Variants in CLCN7 observed in about 807,000 individuals in gnomAD.
The protein encoded by CLCN7 is H(+)/Cl(-) exchange transporter 7.
Under a neutral mutation model 102.1 loss-of-function variants are expected in CLCN7, and 60 were observed. The ratio of observed to expected loss-of-function variants is 0.59; its 90% confidence interval spans 0.48 to 0.73. The LOEUF (loss-of-function observed/expected upper bound fraction) is 0.73, where lower values mean the gene tolerates loss of function less well. CLCN7 is among the 30% of genes least tolerant of loss of function. The probability of loss-of-function intolerance (pLI) is 0.00; values close to 1 mark genes in which losing one functional copy is unlikely to be tolerated. For synonymous variants in CLCN7, 560 were observed against 490.5 expected, an observed-to-expected ratio of 1.14 and a Z score of -1.87; for missense variants, 962 against 1,125.7, an observed-to-expected ratio of 0.85 and a Z score of 2.08.
intron 1 of CLCN7, chr16:1,474,079 C>G (rs2039116452): frequency 2.2e-5 from 9 of 414,552 alleles, no homozygotes; most frequent in South Asian, 1.5e-4. Context: ...AGTGAAACTC[C>G]GTCTCAAAAA....
At chr16:1,450,721 G>T in intron 16 of CLCN7, 55 bp from the exon 17 acceptor site, 1 of 1,220,100 alleles carries the variant, frequency 8.2e-7, no homozygotes, top group Non-Finnish European at 1.1e-6. Flanking sequence ...CCGCAGGACT[G>T]CCCTGCCCCG....
At chr16:1,459,896 CAGGGA>C (rs1433699471) in intron 6 of CLCN7, among the ~76,000 whole-genome samples, 1 of 127,936 alleles carries the variant, frequency 7.8e-6, no homozygotes, top group African/African-American at 3.1e-5. Flanking sequence ...GTCGGGGCCT[CAGGGA>C]AGGGGAGAGC....
intron 1 of CLCN7, among the ~76,000 whole-genome samples, chr16:1,470,827 G>T (rs1358016665): frequency 6.6e-6 from 1 of 152,192 alleles, no homozygotes; most frequent in Non-Finnish European, 1.5e-5. Context: ...GCAGGACACA[G>T]TCCCACACTA....
intron 1 of CLCN7, 45 bp from the exon 2 acceptor site, chr16:1,465,383 C>A (rs1278151045): frequency 1.3e-6 from 2 of 1,544,028 alleles, no homozygotes; most frequent in African/African-American, 1.4e-5. Context: ...GCGTCGCACG[C>A]TCTGCTCCGT....
At chr16:1,448,875 C>A (rs994244336) in intron 19 of CLCN7, 91 bp downstream of exon 19, 4 of 1,599,494 alleles carry the variant, frequency 2.5e-6, no homozygotes, top group Middle Eastern at 1.9e-4. Context: ...TGAGCCTACC[C>A]CCCGGGACCG....
chr16:1,454,320 G>T, intron 13 of CLCN7, 91 bp downstream of exon 13: 1 of 1,356,586 alleles, frequency 7.4e-7, no homozygotes, highest in Non-Finnish European at 1.1e-6. Flanking sequence ...AGGCTCCAGG[G>T]AGCCACAGCC....
In CLCN7 at chr16:1,452,748, C is replaced by T. The variant is rs1317392436; in HGVS notation, c.1353+7G>A. ...CTGCTGGACCCCGCCCGGGCCCAGC[C>T]TCCCACCTGCAGCGGGTAGGACATG... On this transcript the variant is annotated splice_region_variant and intron_variant, in intron 15 of 24. Coordinates refer to ENST00000382745, the MANE Select transcript of CLCN7 (RefSeq NM_001287.6). The T allele has an allele frequency of 6.3e-7, 1 of 1,590,104 alleles. No homozygotes were observed. Among genetic ancestry groups the T allele is most frequent in the Non-Finnish European group, 8.6e-7 (1 of 1,168,718 alleles).
chr16:1,460,294 A>C, intron 6 of CLCN7, 124 bp downstream of exon 6: 1 of 751,174 alleles, frequency 1.3e-6, no homozygotes, highest in Non-Finnish European at 2.3e-6. Flanking sequence ...CGTGATTCTA[A>C]AAGTGCCCGG....
chr16:1,469,487 A>G (rs759763003), intron 1 of CLCN7, among the ~76,000 whole-genome samples: 32 of 151,856 alleles, frequency 2.1e-4, no homozygotes, highest in African/African-American at 7.5e-4. Flanking sequence ...GGAGTTCAAG[A>G]CCAGCCTGAC....
chr16:1,474,577 G>A (rs987336482), intron 1 of CLCN7, among the ~76,000 whole-genome samples: 1 of 152,176 alleles, frequency 6.6e-6, no homozygotes, highest in Non-Finnish European at 1.5e-5. Flanking sequence ...CCCACATTCC[G>A]CGGGGTCTGG....
Position 1,461,810 on chromosome 16 carries a change from C to T in CLCN7, c.214-136G>A, listed in dbSNP as rs12926972. ...CACAGCAAGAGAACTGCACATGGGGCGCGGTGGCTGACACCTACAATCCCA... is the reference window on the plus strand; with the variant it reads ...CACAGCAAGAGAACTGCACATGGGGTGCGGTGGCTGACACCTACAATCCCA... On this transcript the variant is annotated intron_variant, in intron 2 of 24. Coordinates refer to ENST00000382745, the MANE Select transcript of CLCN7 (RefSeq NM_001287.6). 0.074 allele frequency: 58,512 copies of T among 786,696 alleles called. 2,685 individuals carry two copies. The highest frequency in any genetic ancestry group is 0.096 in the Non-Finnish European group (44,109 of 460,962). The allele number at this position is 786,696 out of a possible 1,614,324, so 48.7% of individuals were successfully genotyped here.
chr16:1,447,709 G>A lies in CLCN7; in HGVS notation c.2019C>T (p.Ala673=). 1 of 1,553,514 alleles carries A rather than the reference G, an allele frequency of 6.4e-7. No individual in the cohort carries two copies. Among genetic ancestry groups the A allele is most frequent in the Non-Finnish European group, 8.7e-7 (1 of 1,148,914 alleles). ...VVEHADDTQP[A]RLQGLILRSQ... Reference sequence around the variant, plus strand: ...AGCGCAGGATCAGGCCCTGGAGCCGGGCAGGCTGCAAGACAGGCCCGCGGT... The same window carrying A: ...AGCGCAGGATCAGGCCCTGGAGCCGAGCAGGCTGCAAGACAGGCCCGCGGT... Residue 673 remains alanine, a synonymous_variant, in exon 22 of 25, where the codon GCC becomes GCT. Coordinates refer to ENST00000382745, the MANE Select transcript of CLCN7 (RefSeq NM_001287.6).
chr16:1,448,281 T>A (rs1481804915), intron 21 of CLCN7, 74 bp downstream of exon 21: 7 of 1,590,136 alleles, frequency 4.4e-6, no homozygotes, highest in Non-Finnish European at 6.0e-6. Flanking sequence ...CCTGCAAACC[T>A]TGCCGTGTGC....
At chr16:1,458,858 A>G (rs755585446) in intron 7 of CLCN7, among the ~76,000 whole-genome samples, 2 of 152,218 alleles carry the variant, frequency 1.3e-5, no homozygotes, top group Admixed American at 1.3e-4. Flanking sequence ...TGTGTCACAC[A>G]TGCACCACGC....
chr16:1,470,071 G>T (rs1183510648), intron 1 of CLCN7, among the ~76,000 whole-genome samples: 1 of 152,234 alleles, frequency 6.6e-6, no homozygotes, highest in Admixed American at 6.5e-5. Flanking sequence ...GCGTTGAATG[G>T]GTGCAGTTTC....
chr16:1,447,323 G>A (rs1409233590), intron 23 of CLCN7, 69 bp downstream of exon 23: 93 of 1,161,280 alleles, frequency 8.0e-5, no homozygotes, highest in Non-Finnish European at 9.7e-5. Flanking sequence ...GCCCCTCCCC[G>A]AGGCTCTGGA....
chr16:1,455,437 CCT>C (rs2038820427), intron 11 of CLCN7, 187 bp from the exon 12 acceptor site: 1 of 658,088 alleles, frequency 1.5e-6, no homozygotes, highest in East Asian at 2.7e-5. Flanking sequence ...GCGGCCCAGC[CCT>C]CTCTGGACTT....
chr16:1,458,157 T>C (rs889514886), intron 7 of CLCN7, among the ~76,000 whole-genome samples: 1 of 152,176 alleles, frequency 6.6e-6, no homozygotes, highest in Non-Finnish European at 1.5e-5. Context: ...GGAAGGCTGG[T>C]CACCTGCGGC....
At chr16:1,448,877 C>T in intron 19 of CLCN7, 89 bp downstream of exon 19, 1 of 1,600,126 alleles carries the variant, frequency 6.2e-7, no homozygotes, top group South Asian at 1.1e-5. Context: ...AGCCTACCCC[C>T]CGGGACCGGC....
Sources: gnomAD v4.1 joint callset for allele counts (sites outside exome capture counted in the v4.1 genomes callset) on GRCh38, gnomAD v4.1.1 for gene constraint, MANE v1.5 for transcripts, NCBI Gene and HGNC (gene_info 2026-07-23, HGNC 2026-07-21) for gene names.